Variants in TNNT1 observed in about 807,000 individuals in gnomAD.
The protein encoded by TNNT1 is troponin T, slow skeletal muscle.
TNNT1 carries 53 observed loss-of-function variants against 50.6 expected under a neutral mutation model. The observed-to-expected ratio is 1.05, with a 90% CI of 0.84 to 1.32. TNNT1 has a LOEUF of 1.32. Among genes scored for constraint, TNNT1 ranks in the 40% most tolerant of loss-of-function variants. The probability of loss-of-function intolerance (pLI) is 0.00; values close to 1 mark genes in which losing one functional copy is unlikely to be tolerated. For synonymous variants in TNNT1, 142 were observed against 138.0 expected (o/e 1.03, Z -0.20); for missense variants, 348 against 381.7 (o/e 0.91, Z 0.74).
chr19:55,132,911 A>G lies in TNNT1; in HGVS notation c.*4T>C, dbSNP rs779689793. On this transcript the variant is annotated 3_prime_UTR_variant, in exon 14 of 14. Coordinates refer to ENST00000588981, the MANE Select transcript of TNNT1 (RefSeq NM_003283.6). ...CCCAGGTGCCACTGTCCGGGGCGGC[A>G]TCCTCACTTCCAGCGGCCTCCAACG... 1.6e-5 allele frequency: 26 copies of G among 1,601,592 alleles called. No individual in the cohort carries two copies. In the Admixed American group the frequency reaches 4.5e-4, roughly 28 times the overall value.
intron 11 of TNNT1, among the ~76,000 whole-genome samples, 185 bp downstream of exon 11, chr19:55,136,918 G>A (rs1322159611): frequency 1.3e-5 from 2 of 152,070 alleles, no homozygotes; most frequent in Non-Finnish European, 2.9e-5. Context: ...CACGAAAAGT[G>A]GGTTCAGTGA....
intron 2 of TNNT1, 25 bp from the exon 3 acceptor site, chr19:55,147,046 G>C: frequency 6.2e-7 from 1 of 1,612,682 alleles, no homozygotes; most frequent in Non-Finnish European, 8.5e-7. Flanking sequence ...GGGGAGAGAG[G>C]AGGGAGGGGA....
intron 13 of TNNT1, 191 bp downstream of exon 13, chr19:55,133,696 G>GAAAGAA (rs1216440206): frequency 1.6e-6 from 1 of 627,018 alleles, no homozygotes; most frequent in Non-Finnish European, 2.8e-6. Context: ...AAAAAAAAAA[G>GAAAGAA]AAAGAAAAAG....
chr19:55,142,627 A>C (rs568715353), intron 6 of TNNT1, among the ~76,000 whole-genome samples: 38 of 150,356 alleles, frequency 2.5e-4, no homozygotes, highest in Admixed American at 7.3e-4. Context: ...TCACCACAAC[A>C]ACCTCCACCT....
At chr19:55,146,593 G>A (rs1407509036) in intron 4 of TNNT1, 88 bp downstream of exon 4, 2 of 1,230,402 alleles carry the variant, frequency 1.6e-6, no homozygotes, top group East Asian at 2.8e-5. Flanking sequence ...CGAGGCCGTC[G>A]GGAGCCCCAT....
intron 7 of TNNT1, 103 bp from the exon 8 acceptor site, chr19:55,141,405 C>T (rs778064878): frequency 8.1e-6 from 7 of 862,764 alleles, no homozygotes; most frequent in African/African-American, 5.0e-5. Context: ...TTTCCCAGGA[C>T]GGTATCCAGC....
rs746601153 is a variant in TNNT1 at position 55,137,976 on chromosome 19, G to A, written c.486C>T (p.Gly162=). The change falls in exon 10 of 14, where the codon GGC becomes GGT. Residue 162 remains glycine, a synonymous_variant. Transcript: ENST00000588981. ...GCTGACTCACCTTGACCAGGTAGCC[G>A]CCAAAATGGGCCCCCATGTTGGACA... The part of the protein sequence containing the change: ...KVLSNMGAHF[G]GYLVKAEQKR... 1.3e-5 allele frequency: 21 copies of A among 1,614,128 alleles called. No homozygotes were observed. The highest frequency in any genetic ancestry group is 2.7e-5 in the African/African-American group (2 of 75,032).
At chr19:55,147,100 C>G (rs1207173705) in intron 2 of TNNT1, 26 bp downstream of exon 2, 1 of 1,613,696 alleles carries the variant, frequency 6.2e-7, no homozygotes, top group Non-Finnish European at 8.5e-7. Flanking sequence ...ACTGCACGCC[C>G]CAACCCCTCC....
chr19:55,141,191 G>C lies in TNNT1; in HGVS notation c.304C>G (p.Arg102Gly). ...AACCCGGACTCTCGGCTCACAATGC[G>C]CTCCTTCAAGGCAACCAGCTCCTCT... ...EEEELVALKE[R>G]IERRRSERAE... Residue 102 changes from arginine to glycine, a missense_variant, in exon 8 of 14, where the codon CGC (arginine) becomes GGC (glycine). This residue lies in a region of TNNT1 where 253 missense variants were observed against 291.8 expected (regional missense o/e 0.87). Transcript: ENST00000588981. 1 of 1,613,662 alleles carries C rather than the reference G, an allele frequency of 6.2e-7. No individual in the cohort carries two copies. The highest frequency in any genetic ancestry group is 8.5e-7 in the Non-Finnish European group (1 of 1,179,514).
chr19:55,135,541 TTTTA>T, intron 11 of TNNT1: 1 of 252,442 alleles, frequency 4.0e-6, no homozygotes, highest in Non-Finnish European at 7.8e-6. Flanking sequence ...TTTTTTTTTT[TTTTA>T]AGACAGAGTT....
chr19:55,135,514 C>A, intron 11 of TNNT1: 1 of 267,550 alleles, frequency 3.7e-6, no homozygotes, highest in Non-Finnish European at 7.2e-6. Context: ...TAGTGATCCT[C>A]TCACCTCAGC....
At chr19:55,140,803 A>C in intron 9 of TNNT1, 80 bp downstream of exon 9, 2 of 869,980 alleles carry the variant, frequency 2.3e-6, no homozygotes, top group Non-Finnish European at 3.2e-6. Flanking sequence ...AGTAATAATA[A>C]TAATAATAAT....
At chr19:55,145,295 C>T (rs1270634769) in intron 6 of TNNT1, 1 of 555,614 alleles carries the variant, frequency 1.8e-6, no homozygotes, top group East Asian at 3.1e-5. Context: ...AGACTATGAC[C>T]ACGATGAAGA....
intron 7 of TNNT1, 106 bp from the exon 8 acceptor site, chr19:55,141,408 T>C: frequency 1.2e-6 from 1 of 851,224 alleles, no homozygotes; most frequent in Non-Finnish European, 2.0e-6. Context: ...CCCAGGACGG[T>C]ATCCAGCAGG....
intron 9 of TNNT1, 40 bp from the exon 10 acceptor site, chr19:55,138,114 A>G (rs766455737): frequency 6.2e-7 from 1 of 1,613,628 alleles, no homozygotes; most frequent in South Asian, 1.1e-5. Context: ...ACTCCCCTGT[A>G]GGACTGAGGG....
At chr19:55,144,951 G>A (rs1329716303) in intron 6 of TNNT1, among the ~76,000 whole-genome samples, 1 of 152,096 alleles carries the variant, frequency 6.6e-6, no homozygotes, top group Non-Finnish European at 1.5e-5. Flanking sequence ...AGAGGAGGCT[G>A]GGGTGATGGT....
At position 55,137,113 on chromosome 19, in the gene TNNT1, C is replaced by T. The variant is rs1335393324; in HGVS notation, c.601G>A (p.Glu201Lys). 8 of 1,377,468 alleles carry T rather than the reference C, an allele frequency of 5.8e-6. No individual in the cohort carries two copies. The highest frequency in any genetic ancestry group is 8.0e-6 in the Non-Finnish European group (8 of 1,004,500). The allele number at this position is 1,377,468 out of a possible 1,614,324, so 85.3% of individuals were successfully genotyped here. A position where few individuals can be genotyped will look rare whatever the true frequency, so the allele number is the denominator to read the frequency against. The change falls in exon 11 of 14, where the codon GAA becomes AAA. Residue 201 changes from glutamate to lysine, a missense_variant. By Grantham distance (56) the Glu-to-Lys change is moderately conservative. This residue lies in a region of TNNT1 where 253 missense variants were observed against 291.8 expected (regional missense o/e 0.87). Coordinates refer to ENST00000588981, the MANE Select transcript of TNNT1 (RefSeq NM_003283.6). ...CCCCACAGCACCTACCGGAGCTGTTCCTCCCCCATGTAGTCAATGTCCAGA... is the reference window on the plus strand; with the variant it reads ...CCCCACAGCACCTACCGGAGCTGTTTCTCCCCCATGTAGTCAATGTCCAGA... ...KPLDIDYMGE[E>K]QLRARSAWLP...
At chr19:55,135,525 C>CTTTTTTTTTT in intron 11 of TNNT1, 1 of 171,688 alleles carries the variant, frequency 5.8e-6, no homozygotes, top group Non-Finnish European at 1.1e-5. Context: ...TCACCTCAGC[C>CTTTTTTTTTT]TTTTTTTTTT....
At chr19:55,145,486 G>A (rs2085532058) in intron 6 of TNNT1, 58 bp downstream of exon 6, 3 of 1,558,622 alleles carry the variant, frequency 1.9e-6, no homozygotes, top group African/African-American at 1.4e-5. Flanking sequence ...GTCTCTGGGG[G>A]TAGAGGGAAT....
Sources: gnomAD v4.1 joint callset for allele counts (sites outside exome capture counted in the v4.1 genomes callset) on GRCh38, gnomAD v4.1.1 for gene constraint, gnomAD v4.1.1 regional missense constraint, MANE v1.5 for transcripts, NCBI Gene and HGNC (gene_info 2026-07-23, HGNC 2026-07-21) for gene names.